Variants in ATG4A observed in about 807,000 individuals in gnomAD.
ATG4A encodes the protein autophagy related 4A cysteine peptidase.
In ATG4A, 22 loss-of-function variants were observed where a neutral mutation model predicts 38.4. That is an observed-to-expected ratio of 0.57 (90% CI 0.41 to 0.82). The LOEUF is 0.82. Among genes scored for constraint, ATG4A ranks in the 40% least tolerant of loss-of-function variants. The pLI, the probability that ATG4A is intolerant of heterozygous loss-of-function variation, is 0.00. For synonymous variants in ATG4A, 86 were observed against 100.7 expected (o/e 0.85, Z 0.88); for missense variants, 220 against 290.0 (o/e 0.76, Z 1.75).
chrX:108,152,923 C>T, intron 11 of ATG4A, 56 bp from the exon 12 acceptor site: 4 of 944,902 alleles, frequency 4.2e-6, no homozygotes, highest in Admixed American at 2.2e-5. Flanking sequence ...TCAAAGATTG[C>T]CAATTAGAAA....
chrX:108,113,297 G>A (rs1385301470), intron 1 of ATG4A, among the ~76,000 whole-genome samples: 2 of 111,774 alleles, frequency 1.8e-5, no homozygotes, highest in Non-Finnish European at 3.8e-5. Context: ...TTGGTGACAG[G>A]AAGCATTTTA....
upstream of ATG4A, chrX:108,091,363 T>C (rs767732426): frequency 8.6e-7 from 1 of 1,158,056 alleles, no homozygotes. Flanking sequence ...CACGTAGGGC[T>C]TCGCCGACGT....
At chrX:108,130,305 A>G (rs2032921336) in intron 3 of ATG4A, among the ~76,000 whole-genome samples, 1 of 111,374 alleles carries the variant, frequency 9.0e-6, no homozygotes, top group African/African-American at 3.3e-5. Context: ...CCACTTCCAC[A>G]CTGGGAAAAG....
At chrX:108,153,576 G>C in intron 12 of ATG4A, 66 bp from the exon 13 acceptor site, 1 of 884,703 alleles carries the variant, frequency 1.1e-6, no homozygotes, top group Admixed American at 2.3e-5. Flanking sequence ...ACTGAGTAAA[G>C]TATTTACTGA....
intron 9 of ATG4A, among the ~76,000 whole-genome samples, chrX:108,149,757 T>C (rs2033535328): frequency 8.9e-6 from 1 of 112,184 alleles, no homozygotes; most frequent in Admixed American, 9.4e-5. Flanking sequence ...CCTGAGATGC[T>C]TTCCAATGTC....
chrX:108,138,696 C>T (rs771357351), intron 9 of ATG4A, among the ~76,000 whole-genome samples: 33 of 111,929 alleles, frequency 2.9e-4, no homozygotes, highest in Non-Finnish European at 4.9e-4. Context: ...CCAACATTCC[C>T]TGCATAGGAA....
chrX:108,116,589 A>C (rs1223624708), intron 1 of ATG4A, among the ~76,000 whole-genome samples: 1 of 112,098 alleles, frequency 8.9e-6, no homozygotes, highest in Non-Finnish European at 1.9e-5. Context: ...TTTGCTTTCT[A>C]GGTGACTACT....
intron 2 of ATG4A, among the ~76,000 whole-genome samples, chrX:108,127,668 A>G (rs1451152448): frequency 8.9e-6 from 1 of 112,360 alleles, no homozygotes; most frequent in Non-Finnish European, 1.9e-5. Context: ...GAAAATACAG[A>G]TAGCTCAACT....
chrX:108,103,385 T>C (rs192145637), intron 1 of ATG4A, among the ~76,000 whole-genome samples: 3 of 112,289 alleles, frequency 2.7e-5, no homozygotes, highest in East Asian at 2.8e-4. Context: ...TGACTGTATA[T>C]GTATGGATTT....
intron 1 of ATG4A, among the ~76,000 whole-genome samples, chrX:108,121,119 T>C (rs1278888464): frequency 9.0e-6 from 1 of 111,720 alleles, no homozygotes; most frequent in Admixed American, 9.5e-5. Context: ...GAAAAGCAGG[T>C]CACAGGGTGG....
rs778716118 is a variant in ATG4A, at chrX:108,127,750, C to T, written c.122-1031C>T. Among the ~76,000 whole-genome samples the T allele has an allele frequency of 2.7e-5, 3 of 112,076 alleles. No individual in the cohort carries two copies. In the South Asian group the frequency reaches 1.1e-3, roughly 42 times the overall value. On this transcript the variant is annotated intron_variant, in intron 2 of 12. Coordinates refer to ENST00000372232, the MANE Select transcript of ATG4A (RefSeq NM_052936.5). ...GGCTAAAAGTAGATTTCCCTTTGTT[C>T]TTTTTAAGTGCAGTGACTATAAGTT... is the stretch of plus-strand genomic sequence containing the variant.
Position 108,135,498 on chromosome X carries a change from C to A in ATG4A, c.467+1087C>A, listed in dbSNP as rs759156281. ...CAGTGGCCTGGATTTTTTGGGGACC[C>A]AAGGAAAATCTGTATTGACTTTACT... On this transcript the variant is annotated intron_variant, in intron 6 of 12. Transcript: ENST00000372232. Among the ~76,000 whole-genome samples the A allele has an allele frequency of 3.6e-5, 4 of 111,568 alleles. No individual in the cohort carries two copies. The South Asian group carries it at 1.5e-3, about 42-fold the overall frequency.
intron 1 of ATG4A, among the ~76,000 whole-genome samples, chrX:108,097,951 T>A (rs2031879067): frequency 8.9e-6 from 1 of 112,485 alleles, no homozygotes; most frequent in South Asian, 3.7e-4. Context: ...TCTGTGGCTC[T>A]AATTTTTTTT....
chrX:108,125,243 C>G (rs1234505740), intron 1 of ATG4A, among the ~76,000 whole-genome samples: 1 of 109,834 alleles, frequency 9.1e-6, no homozygotes, highest in East Asian at 2.8e-4. Context: ...GGTAACCAGC[C>G]TCCATCCAGA....
At chrX:108,112,698 C>T (rs2032396606) in intron 1 of ATG4A, among the ~76,000 whole-genome samples, 1 of 111,399 alleles carries the variant, frequency 9.0e-6, no homozygotes, top group Admixed American at 9.5e-5. Flanking sequence ...CCCGGCCCTT[C>T]CCTGACTTCT....
At chrX:108,140,202 G>A (rs755746840) in intron 9 of ATG4A, among the ~76,000 whole-genome samples, 1 of 111,643 alleles carries the variant, frequency 9.0e-6, no homozygotes, top group African/African-American at 3.3e-5. Flanking sequence ...CCAAGTTGAT[G>A]TAGCCCTCCT....
Position 108,140,939 on chromosome X carries a change from T to TATATACACATATATAC in ATG4A, c.814+2753_814+2754insCACATATATACATATA, listed in dbSNP as rs1237397961. Among the ~76,000 whole-genome samples the TATATACACATATATAC allele has an allele frequency of 1.8e-3, 75 of 40,736 alleles. 2 individuals carry two copies. In the East Asian group the frequency reaches 0.028, roughly 15 times the overall value. The allele number at this position is 40,736 out of a possible 115,157, so 35.4% of individuals were successfully genotyped here. On this transcript the variant is annotated intron_variant, in intron 9 of 12. Transcript: ENST00000372232. ...ATATACATATATACATATATATACA[T>TATATACACATATATAC]ATATATACACATATATACATATATA... is the stretch of plus-strand genomic sequence containing the variant.
At chrX:108,091,322 G>C, upstream of ATG4A, 3 of 898,329 alleles carry the variant, frequency 3.3e-6, no homozygotes, top group Non-Finnish European at 4.9e-6. Flanking sequence ...TCTCAGAAAC[G>C]GGGCCTCCGC....
At position 108,136,695 on chromosome X, in the gene ATG4A, T is replaced by C. The variant is rs550919386; in HGVS notation, c.468-396T>C. Among the ~76,000 whole-genome samples the C allele has an allele frequency of 6.5e-3, 732 of 112,419 alleles. 3 individuals carry two copies. The highest frequency in any genetic ancestry group is 0.011 in the Non-Finnish European group (581 of 53,266). On this transcript the variant is annotated intron_variant, in intron 6 of 12. Transcript: ENST00000372232. ...TACGGACAGCTTCCTTTTTAAAAGT[T>C]TTTTTACAGTTTCCCTTTTGTAAAA... is the stretch of plus-strand genomic sequence containing the variant.
Sources: allele counts gnomAD v4.1 joint callset (sites outside exome capture counted in the v4.1 genomes callset), GRCh38; gene constraint gnomAD v4.1.1; transcripts MANE v1.5; gene names NCBI Gene and HGNC (gene_info 2026-07-23, HGNC 2026-07-21).